RBFOX3: variants seen among roughly 807,000 people sequenced by gnomAD.
RBFOX3 encodes RNA binding fox-1 homolog 3, also known as RNA binding protein fox-1 homolog 3.
RBFOX3 carries 17 observed loss-of-function variants against 48.7 expected under a neutral mutation model. The ratio of observed to expected loss-of-function variants is 0.35; its 90% CI spans 0.24 to 0.52. RBFOX3 has a LOEUF of 0.52. Ranked by LOEUF, RBFOX3 falls within the 20% of genes least tolerant of loss-of-function variation. The pLI is 0.94. For synonymous variants in RBFOX3, 212 were observed against 209.5 expected (o/e 1.01, Z -0.10); for missense variants, 382 against 497.5 (o/e 0.77, Z 2.21).
chr17:79,558,591 C>T (rs1267635771), intron 1 of RBFOX3, among the ~76,000 whole-genome samples: 1 of 152,122 alleles, frequency 6.6e-6, no homozygotes, highest in Non-Finnish European at 1.5e-5. Context: ...TGAACACTTC[C>T]CTCCCGGCCG....
chr17:79,500,013 G>A (rs1003184129), intron 1 of RBFOX3, among the ~76,000 whole-genome samples: 3 of 152,212 alleles, frequency 2.0e-5, no homozygotes, highest in Non-Finnish European at 1.5e-5. Context: ...GGAAGAGATG[G>A]TGAGCCATTT....
rs569658049 is a variant in RBFOX3, at chr17:79,299,002, G to A, written c.-74+8722C>T. ...GCCTGCTGATGCAAGGCTGGGAGGC[G>A]GGAGGGCGCGAGTCTGTAACTGGAG... On this transcript the variant is annotated intron_variant, in intron 3 of 14. Transcript: ENST00000693108. This position sits in a 1 kb window ranked among gnomAD's most constrained non-coding sequence, Gnocchi z 4.5. 5.3e-5 allele frequency among the ~76,000 whole-genome samples: 8 copies of A among 152,330 alleles called. No individual in the cohort carries two copies. The highest frequency in any genetic ancestry group is 4.1e-4 in the South Asian group (2 of 4,830).
chr17:79,370,703 G>A (rs754027923), intron 2 of RBFOX3, among the ~76,000 whole-genome samples: 3 of 151,956 alleles, frequency 2.0e-5, no homozygotes, highest in Non-Finnish European at 4.4e-5. Context: ...ACCCTGAAAT[G>A]CACGGTCACA....
chr17:79,127,916 C>T (rs964290393), intron 4 of RBFOX3, among the ~76,000 whole-genome samples: 3 of 152,234 alleles, frequency 2.0e-5, no homozygotes, highest in African/African-American at 4.8e-5. Context: ...GCCCCTGTCA[C>T]GCTGCCCCCG....
intron 4 of RBFOX3, among the ~76,000 whole-genome samples, chr17:79,222,551 G>C (rs2059862520): frequency 6.6e-6 from 1 of 152,216 alleles, no homozygotes; most frequent in Non-Finnish European, 1.5e-5. Flanking sequence ...GTAGCCCCTT[G>C]CCGAGGCCAG....
intron 1 of RBFOX3, among the ~76,000 whole-genome samples, chr17:79,590,434 C>A (rs973498710): frequency 1.7e-4 from 26 of 152,198 alleles, no homozygotes; most frequent in Non-Finnish European, 2.8e-4. Context: ...TCATTCTTCA[C>A]ACAAAAAAGC....
At chr17:79,388,390 G>A (rs2060873563) in intron 2 of RBFOX3, among the ~76,000 whole-genome samples, 1 of 152,154 alleles carries the variant, frequency 6.6e-6, no homozygotes, top group African/African-American at 2.4e-5. Flanking sequence ...AGGGAGCTTT[G>A]TCAAGGGTTA....
chr17:79,575,387 G>A (rs1335893220), intron 1 of RBFOX3, among the ~76,000 whole-genome samples: 1 of 152,132 alleles, frequency 6.6e-6, no homozygotes, highest in Non-Finnish European at 1.5e-5. Context: ...AAGACAAGGT[G>A]CTAAGAACTC....
chr17:79,209,171 C>G (rs1362854452), intron 4 of RBFOX3, among the ~76,000 whole-genome samples: 2 of 152,218 alleles, frequency 1.3e-5, no homozygotes, highest in African/African-American at 2.4e-5. Context: ...ACCAGGCCAC[C>G]CATGTGAGTT....
At chr17:79,651,838 C>CTTTCTCTCTCT in the RBFOX3 span, among the ~76,000 whole-genome samples, 3 of 93,392 alleles carry the variant, frequency 3.2e-5, no homozygotes, top group Non-Finnish European at 5.8e-5. Flanking sequence ...CTCTCTCTCT[C>CTTTCTCTCTCT]TTCTCTCTCT....
intron 1 of RBFOX3, among the ~76,000 whole-genome samples, chr17:79,590,765 C>T (rs1201455399): frequency 6.6e-6 from 1 of 152,202 alleles, no homozygotes; most frequent in African/African-American, 2.4e-5. Flanking sequence ...GTTCAGATGG[C>T]CCCTTTCTCA....
At position 79,396,548 on chromosome 17, in the gene RBFOX3, C is replaced by G. The variant is rs2062016159; in HGVS notation, c.-175+85906G>C. ...TTAATGCAAATTTTATTCTGACTCC[C>G]CCTGAGACCCCCTCCCCAGCCCTAT... is the stretch of plus-strand genomic sequence containing the variant. On this transcript the variant is annotated intron_variant, in intron 2 of 14. Coordinates refer to ENST00000693108, the MANE Select transcript of RBFOX3 (RefSeq NM_001350451.2). Among the ~76,000 whole-genome samples the G allele has an allele frequency of 5.3e-5, 8 of 152,206 alleles. No homozygotes were observed. The South Asian group carries it at 1.5e-3, about 28-fold the overall frequency.
chr17:79,576,046 G>T lies in RBFOX3; in HGVS notation c.-320+34780C>A, dbSNP rs960850390. 4.5e-3 allele frequency among the ~76,000 whole-genome samples: 686 copies of T among 152,292 alleles called. 4 individuals are homozygous for T. The highest frequency in any genetic ancestry group is 0.016 in the African/African-American group (652 of 41,558). Reference sequence around the variant, plus strand: ...GGTGTTGCTGAGATAATATTTGGTCGTTGTGGTGAACATCTACAATCAGCT... The same window carrying T: ...GGTGTTGCTGAGATAATATTTGGTCTTTGTGGTGAACATCTACAATCAGCT... On this transcript the variant is annotated intron_variant, in intron 1 of 14. Transcript: ENST00000693108.
chr17:79,168,393 C>G (rs2048457602), intron 4 of RBFOX3, among the ~76,000 whole-genome samples: 1 of 152,278 alleles, frequency 6.6e-6, no homozygotes, highest in African/African-American at 2.4e-5. Flanking sequence ...TGGAAATAGT[C>G]AAGATAAACT....
intron 1 of RBFOX3, among the ~76,000 whole-genome samples, chr17:79,540,669 G>C (rs1363689081): frequency 2.0e-5 from 3 of 152,238 alleles, no homozygotes; most frequent in African/African-American, 7.2e-5. Flanking sequence ...CGTGGGCTGA[G>C]AGCGGGGAGC....
chr17:79,447,259 C>T (rs533644205), intron 2 of RBFOX3, among the ~76,000 whole-genome samples: 6 of 152,314 alleles, frequency 3.9e-5, no homozygotes, highest in Admixed American at 3.9e-4. Flanking sequence ...CAGGTCTCTG[C>T]CACCTTCTGA....
intron 2 of RBFOX3, among the ~76,000 whole-genome samples, chr17:79,425,917 C>T (rs1015350376): frequency 7.9e-5 from 12 of 152,136 alleles, no homozygotes; most frequent in South Asian, 2.1e-4. Flanking sequence ...ACCAGGCCTG[C>T]GCCTGGGAAG....
chr17:79,616,073 C>T, the RBFOX3 span, among the ~76,000 whole-genome samples: 11,691 of 152,180 alleles, frequency 0.077, 486 homozygotes, highest in Middle Eastern at 0.12. Context: ...AGATCAGGGG[C>T]CTGCTTTTTC....
chr17:79,327,961 T>C (rs2079592872), intron 2 of RBFOX3, among the ~76,000 whole-genome samples: 1 of 152,232 alleles, frequency 6.6e-6, no homozygotes, highest in South Asian at 2.1e-4. Context: ...CCCAAAGTGC[T>C]GGGATTACAG....
Sources: allele counts gnomAD v4.1 joint callset (sites outside exome capture counted in the v4.1 genomes callset), GRCh38; gene constraint gnomAD v4.1.1; non-coding constraint Gnocchi (gnomAD v3.1); transcripts MANE v1.5; gene names NCBI Gene and HGNC (gene_info 2026-07-23, HGNC 2026-07-21).